RABL2A: variants seen among roughly 807,000 people sequenced by gnomAD.
RABL2A encodes the protein rab-like protein 2A.
In RABL2A, 17 loss-of-function variants were observed where a neutral mutation model predicts 30.7. The ratio of observed to expected loss-of-function variants is 0.55; its 90% CI spans 0.38 to 0.83. The LOEUF is 0.83. Ranked by LOEUF, RABL2A falls within the 40% of genes least tolerant of loss-of-function variation. The pLI is 0.00. For synonymous variants in RABL2A, 64 were observed against 101.8 expected (o/e 0.63, Z 2.24); for missense variants, 155 against 272.6 (o/e 0.57, Z 3.04).
chr2:113,635,564 G>A (rs1010764319), intron 5 of RABL2A: 3 of 276,216 alleles, frequency 1.1e-5, no homozygotes, highest in South Asian at 3.8e-5. Context: ...CCAGCCCCTC[G>A]CCTCCCCCCG....
At chr2:113,639,386 C>G (rs1684231039) in intron 5 of RABL2A, among the ~76,000 whole-genome samples, 1 of 152,222 alleles carries the variant, frequency 6.6e-6, no homozygotes, top group Non-Finnish European at 1.5e-5. Context: ...CTTTGGGAGG[C>G]CTAGGCAGGC....
At chr2:113,638,699 C>G in intron 5 of RABL2A, 1 of 332,388 alleles carries the variant, frequency 3.0e-6, no homozygotes, top group Non-Finnish European at 4.3e-6. Flanking sequence ...GAAACCCCGT[C>G]TCTACTAGAA....
intron 5 of RABL2A, among the ~76,000 whole-genome samples, chr2:113,636,994 AAAT>A (rs376786471): frequency 0.083 from 9,065 of 109,548 alleles, 623 homozygotes; most frequent in African/African-American, 0.25. Flanking sequence ...GTCTCAAAAA[AAAT>A]AAAAAAATAA....
Position 113,634,189 on chromosome 2 carries a change from G to A in RABL2A, c.174G>A (p.Leu58=), listed in dbSNP as rs1254488390. Reference sequence around the variant, plus strand: ...AGCTGTCCACGTACGCCCTGACCCTGTACAAGCACACAGCCACGGTAGATG... The same window carrying A: ...AGCTGTCCACGTACGCCCTGACCCTATACAAGCACACAGCCACGGTAGATG... ...PQQLSTYALT[L]YKHTATVDGK... Residue 58 remains leucine (L), a synonymous_variant, in exon 4 of 9, where the codon CTG becomes CTA. Transcript: ENST00000683472. The A allele has an allele frequency of 8.1e-6, 13 of 1,612,894 alleles. No homozygotes were observed. Among genetic ancestry groups the A allele is most frequent in the Admixed American group, 1.7e-5 (1 of 59,942 alleles).
At chr2:113,633,645 G>T in intron 3 of RABL2A, 2 of 195,532 alleles carry the variant, frequency 1.0e-5, no homozygotes, top group South Asian at 2.0e-4. Flanking sequence ...GCTTCTTGCA[G>T]CCTCGGAAGG....
At position 113,634,222 on chromosome 2, in the gene RABL2A, C is replaced by A; in HGVS notation, c.207C>A (p.Thr69=). Residue 69 remains threonine (T), a synonymous_variant, in exon 4 of 9, where the codon ACC becomes ACA. Coordinates refer to ENST00000683472, the MANE Select transcript of RABL2A (RefSeq NM_001306158.2). ...ACACAGCCACGGTAGATGGCAAGAC[C>A]ATCCTTGTGGGTAAGTGGCACAGGG... ...YKHTATVDGK[T]ILVDFWDTAG... 1 of 1,612,430 alleles carries A rather than the reference C, an allele frequency of 6.2e-7. No individual in the cohort carries two copies. Among genetic ancestry groups the A allele is most frequent in the Non-Finnish European group, 8.5e-7 (1 of 1,179,160 alleles).
intron 5 of RABL2A, among the ~76,000 whole-genome samples, chr2:113,635,979 G>A (rs557401302): frequency 6.6e-6 from 1 of 151,348 alleles, no homozygotes; most frequent in East Asian, 2.0e-4. Context: ...ATGGTGGCGG[G>A]TGCCTGTAAT....
chr2:113,629,443 G>A (rs989695265), intron 2 of RABL2A, among the ~76,000 whole-genome samples: 1 of 151,896 alleles, frequency 6.6e-6, no homozygotes, highest in Non-Finnish European at 1.5e-5. Flanking sequence ...GGCTTTGCTG[G>A]TTTTTAGGCC....
At chr2:113,632,490 G>C (rs1680761012) in intron 2 of RABL2A, among the ~76,000 whole-genome samples, 2 of 152,222 alleles carry the variant, frequency 1.3e-5, no homozygotes, top group Admixed American at 1.3e-4. Flanking sequence ...GGAGACAAGG[G>C]CTTCACCATG....
chr2:113,635,182 G>T (rs1682083116), intron 5 of RABL2A, 52 bp downstream of exon 5: 1 of 1,587,332 alleles, frequency 6.3e-7, no homozygotes, highest in Non-Finnish European at 8.6e-7. Context: ...CTGGCCTGAG[G>T]GGTGAGGGGC....
At chr2:113,641,607 A>G (rs1685202663) in intron 7 of RABL2A, 157 bp downstream of exon 7, 1 of 1,380,680 alleles carries the variant, frequency 7.2e-7, no homozygotes, top group African/African-American at 1.4e-5. Flanking sequence ...CCTGGACTTG[A>G]TGAGGCAGAA....
At chr2:113,635,439 A>G in intron 5 of RABL2A, 1 of 434,710 alleles carries the variant, frequency 2.3e-6, no homozygotes, top group Non-Finnish European at 4.3e-6. Context: ...GATGGACCTA[A>G]CCTGTCAGAC....
Position 113,641,418 on chromosome 2 carries a change from G to A in RABL2A, c.475G>A (p.Val159Ile), listed in dbSNP as rs200121688. ...AKKFSLPLYF[V>I]SAADGTNVVK... ...GAAGTTCTCCCTGCCCCTGTATTTC[G>A]TCTCGGCTGCTGATGGTACCAATGT... is the stretch of plus-strand genomic sequence containing the variant. Residue 159 changes from valine to isoleucine, a missense_variant, in exon 7 of 9, where the codon GTC becomes ATC. This residue lies in a region of RABL2A where 33 missense variants were observed against 30.7 expected (regional missense o/e 1.08). Transcript: ENST00000683472. 20 of 1,611,668 alleles carry A rather than the reference G, an allele frequency of 1.2e-5. No individual in the cohort carries two copies. Among genetic ancestry groups the A allele is most frequent in the South Asian group, 3.3e-5 (3 of 90,998 alleles).
chr2:113,638,186 C>T (rs1024021569), intron 5 of RABL2A: 42 of 985,282 alleles, frequency 4.3e-5, no homozygotes, highest in Admixed American at 6.1e-5. Context: ...GAGACTTCAT[C>T]GGGAATTCAA....
intron 2 of RABL2A, among the ~76,000 whole-genome samples, chr2:113,632,583 C>T (rs1312170044): frequency 5.9e-5 from 9 of 152,246 alleles, no homozygotes; most frequent in South Asian, 2.1e-4. Context: ...GGCTTTTGAA[C>T]GGAAGGCGCA....
chr2:113,633,758 T>C (rs1045535920), intron 3 of RABL2A: 21 of 253,696 alleles, frequency 8.3e-5, no homozygotes, highest in African/African-American at 4.6e-4. Flanking sequence ...GGAGCTTCTG[T>C]CCCTGGAATG....
At chr2:113,632,776 C>G (rs1277552929) in intron 2 of RABL2A, 139 bp from the exon 3 acceptor site, 2 of 1,199,424 alleles carry the variant, frequency 1.7e-6, no homozygotes, top group East Asian at 2.4e-5. Flanking sequence ...AGACTTGACC[C>G]GGAAGCTGTG....
At chr2:113,633,525 C>T (rs964833232) in intron 3 of RABL2A, 24 of 196,652 alleles carry the variant, frequency 1.2e-4, no homozygotes, top group Non-Finnish European at 2.3e-4. Flanking sequence ...GCTCGGCACC[C>T]CAAGGCTCAG....
rs2166571 is a variant in RABL2A at position 113,628,873 on chromosome 2, C to G, written c.107+160C>G. On this transcript the variant is annotated intron_variant, in intron 2 of 8. Coordinates refer to ENST00000683472, the MANE Select transcript of RABL2A (RefSeq NM_001306158.2). ...TGGGGGAACGAGGGGAATCACATGA[C>G]CCGTTGTGTGTGTCGGGTGGAGGGG... Among the ~76,000 whole-genome samples the G allele has an allele frequency of 3.3e-5, 5 of 150,954 alleles. No homozygotes were observed. The South Asian group carries it at 6.3e-4, about 19-fold the overall frequency.
Sources: gnomAD v4.1 joint callset for allele counts (sites outside exome capture counted in the v4.1 genomes callset) on GRCh38, gnomAD v4.1.1 for gene constraint, gnomAD v4.1.1 regional missense constraint, MANE v1.5 for transcripts, NCBI Gene and HGNC (gene_info 2026-07-23, HGNC 2026-07-21) for gene names.